The following DGKI variants were observed in gnomAD, a reference collection of about 807,000 sequenced individuals.
The protein encoded by DGKI is DAG kinase iota.
In DGKI, 55 loss-of-function variants were observed where a neutral mutation model predicts 147.5. The observed-to-expected ratio is 0.37, with a 90% CI of 0.30 to 0.47. The LOEUF is 0.47. Among genes scored for constraint, DGKI ranks in the 20% least tolerant of loss-of-function variants. DGKI has a pLI of 1.00. For synonymous variants in DGKI, 469 were observed against 477.1 expected (o/e 0.98, Z 0.22); for missense variants, 1,007 against 1,323.8 (o/e 0.76, Z 3.71).
intron 28 of DGKI, among the ~76,000 whole-genome samples, chr7:137,421,747 T>G (rs185494741): frequency 1.8e-4 from 28 of 152,364 alleles, no homozygotes; most frequent in African/African-American, 6.5e-4. Flanking sequence ...CTTTTTTCTC[T>G]TTGTTTTATC....
At chr7:137,700,604 G>T (rs758681237) in intron 1 of DGKI, among the ~76,000 whole-genome samples, 4 of 152,114 alleles carry the variant, frequency 2.6e-5, no homozygotes, top group Admixed American at 6.5e-5. Context: ...ATGGCAGAGC[G>T]CAGTGGCTTA....
intron 2 of DGKI, among the ~76,000 whole-genome samples, chr7:137,680,250 C>T (rs1196545951): frequency 6.6e-6 from 1 of 152,182 alleles, no homozygotes; most frequent in Admixed American, 6.5e-5. Context: ...CTGCCAGCAC[C>T]TTGACCTTGG....
At chr7:137,445,999 G>A (rs768124231) in intron 27 of DGKI, among the ~76,000 whole-genome samples, 1 of 152,218 alleles carries the variant, frequency 6.6e-6, no homozygotes, top group East Asian at 1.9e-4. Context: ...GGTCATACTA[G>A]AATCAGCCAC....
At chr7:137,788,160 C>T (rs1314744058) in intron 1 of DGKI, among the ~76,000 whole-genome samples, 2 of 152,116 alleles carry the variant, frequency 1.3e-5, no homozygotes, top group African/African-American at 4.8e-5. Context: ...TGTGTAATTT[C>T]TCTTGAGGTT....
intron 23 of DGKI, among the ~76,000 whole-genome samples, chr7:137,471,282 G>A (rs1402046148): frequency 6.6e-6 from 1 of 152,160 alleles, no homozygotes; most frequent in Non-Finnish European, 1.5e-5. Flanking sequence ...GTAGGGAGCA[G>A]CACTGGGGTG....
chr7:137,520,345 G>A (rs536933776), intron 21 of DGKI, among the ~76,000 whole-genome samples: 19 of 152,180 alleles, frequency 1.2e-4, no homozygotes, highest in African/African-American at 4.6e-4. Flanking sequence ...TGTTCTTTAT[G>A]ATTAGTAACC....
chr7:137,763,841 A>T (rs1202053530), intron 1 of DGKI, among the ~76,000 whole-genome samples: 1 of 152,128 alleles, frequency 6.6e-6, no homozygotes, highest in Non-Finnish European at 1.5e-5. Flanking sequence ...TAAGGTCTCA[A>T]CCTCCACATA....
intron 1 of DGKI, among the ~76,000 whole-genome samples, chr7:137,717,804 G>T (rs925290506): frequency 2.6e-5 from 4 of 152,160 alleles, no homozygotes; most frequent in Non-Finnish European, 4.4e-5. Flanking sequence ...GGCTTCTTAC[G>T]TAAAAAGCCA....
chr7:137,541,127 A>T (rs1205525615), intron 20 of DGKI, among the ~76,000 whole-genome samples: 1 of 152,224 alleles, frequency 6.6e-6, no homozygotes, highest in Non-Finnish European at 1.5e-5. Context: ...ATGCAACCAG[A>T]TTTTAAGAGT....
At chr7:137,406,339 A>C (rs983634663) in intron 30 of DGKI, among the ~76,000 whole-genome samples, 1 of 152,156 alleles carries the variant, frequency 6.6e-6, no homozygotes, top group African/African-American at 2.4e-5. Context: ...TAGCCAGGGA[A>C]ATAGGAGATG....
At chr7:137,752,428 G>A (rs1056924143) in intron 1 of DGKI, among the ~76,000 whole-genome samples, 2 of 152,168 alleles carry the variant, frequency 1.3e-5, no homozygotes, top group African/African-American at 2.4e-5. Context: ...CGCTAAGGGA[G>A]GAGACCACCC....
At chr7:137,524,064 C>T (rs997008420) in intron 20 of DGKI, among the ~76,000 whole-genome samples, 1 of 148,162 alleles carries the variant, frequency 6.7e-6, no homozygotes, top group Non-Finnish European at 1.5e-5. Flanking sequence ...GTCTGATGAT[C>T]TCTGTGTGCT....
At chr7:137,791,164 A>G (rs1796842115) in intron 1 of DGKI, among the ~76,000 whole-genome samples, 1 of 151,738 alleles carries the variant, frequency 6.6e-6, no homozygotes, top group South Asian at 2.1e-4. Context: ...GTATGTGTCT[A>G]CCTCTCCTGT....
intron 21 of DGKI, among the ~76,000 whole-genome samples, chr7:137,490,625 T>C (rs972101113): frequency 2.6e-5 from 4 of 152,190 alleles, no homozygotes; most frequent in African/African-American, 7.2e-5. Flanking sequence ...TTTGGGCCTT[T>C]ACATGGCGAA....
chr7:137,741,467 C>T (rs1005366462), intron 1 of DGKI, among the ~76,000 whole-genome samples: 2 of 152,206 alleles, frequency 1.3e-5, no homozygotes, highest in African/African-American at 2.4e-5. Context: ...TCTGGCTTAT[C>T]CCAACTTCTG....
At chr7:137,411,791 C>T (rs1812172553) in intron 29 of DGKI, among the ~76,000 whole-genome samples, 1 of 152,132 alleles carries the variant, frequency 6.6e-6, no homozygotes, top group Admixed American at 6.5e-5. Context: ...TATAAAACCA[C>T]GACAAGGAAA....
At chr7:137,522,464 C>T (rs1278330377) in intron 20 of DGKI, among the ~76,000 whole-genome samples, 1 of 152,060 alleles carries the variant, frequency 6.6e-6, no homozygotes, top group Non-Finnish European at 1.5e-5. Context: ...CTCTACACAG[C>T]TCAATAGCCT....
intron 1 of DGKI, among the ~76,000 whole-genome samples, chr7:137,830,264 A>G (rs1280327886): frequency 2.0e-5 from 3 of 152,218 alleles, no homozygotes; most frequent in Non-Finnish European, 4.4e-5. Context: ...CAACAGCCAC[A>G]GCAAGCTAAT....
intron 6 of DGKI, among the ~76,000 whole-genome samples, chr7:137,642,233 T>C (rs1376183099): frequency 1.3e-5 from 2 of 152,234 alleles, no homozygotes; most frequent in African/African-American, 2.4e-5. Flanking sequence ...ATGGTTTCTG[T>C]TGGGTTTGGC....
Sources: allele counts gnomAD v4.1 joint callset (sites outside exome capture counted in the v4.1 genomes callset), GRCh38; gene constraint gnomAD v4.1.1; transcripts MANE v1.5; gene names NCBI Gene and HGNC (gene_info 2026-07-23, HGNC 2026-07-21).